Variants in FBXL7 observed in about 807,000 individuals in gnomAD.
The protein encoded by FBXL7 is F-box/LRR-repeat protein 7.
Under a neutral mutation model 38.3 loss-of-function variants are expected in FBXL7, and 12 were observed. That is an observed-to-expected ratio of 0.31 (90% CI 0.20 to 0.51). The LOEUF (loss-of-function observed/expected upper bound fraction) is 0.51. Ranked by LOEUF, FBXL7 falls within the 20% of genes least tolerant of loss-of-function variation. The probability of loss-of-function intolerance (pLI) is 0.98; values close to 1 mark genes in which losing one functional copy is unlikely to be tolerated. For missense variants in FBXL7, 567 were observed against 676.4 expected (o/e 0.84, Z 1.79); for synonymous variants, 297 against 300.9 (o/e 0.99, Z 0.13).
chr5:15,710,123 A>C (rs1316694896), intron 2 of FBXL7, among the ~76,000 whole-genome samples: 5 of 152,162 alleles, frequency 3.3e-5, no homozygotes, highest in Non-Finnish European at 5.9e-5. Flanking sequence ...GATCTAGTTA[A>C]AAGTAAGTCA....
At chr5:15,553,479 A>G (rs1738144789) in intron 1 of FBXL7, among the ~76,000 whole-genome samples, 1 of 152,220 alleles carries the variant, frequency 6.6e-6, no homozygotes, top group Admixed American at 6.5e-5. Context: ...ATTAAGGCTT[A>G]TATCTTCTAC....
intron 3 of FBXL7, among the ~76,000 whole-genome samples, chr5:15,933,436 A>G: frequency 6.6e-6 from 1 of 152,226 alleles, no homozygotes; most frequent in East Asian, 1.9e-4. Flanking sequence ...CTTGAAAAAC[A>G]AAGTGTCTTT....
intron 2 of FBXL7, among the ~76,000 whole-genome samples, chr5:15,680,923 A>T (rs1057174665): frequency 3.3e-5 from 5 of 152,224 alleles, no homozygotes; most frequent in African/African-American, 1.2e-4. Flanking sequence ...CACTACTTCA[A>T]TGCTGACCTC....
chr5:15,513,404 A>G (rs1426927810), intron 1 of FBXL7, among the ~76,000 whole-genome samples: 1 of 152,228 alleles, frequency 6.6e-6, no homozygotes, highest in Admixed American at 6.5e-5. Context: ...TCACCATAAT[A>G]ATCAAGCTAG....
intron 2 of FBXL7, among the ~76,000 whole-genome samples, chr5:15,723,514 C>T (rs1252440972): frequency 6.6e-6 from 1 of 152,140 alleles, no homozygotes; most frequent in Non-Finnish European, 1.5e-5. Context: ...CCTACAGTTG[C>T]TAATTTCAAA....
chr5:15,785,193 A>G (rs1045352460), intron 2 of FBXL7, among the ~76,000 whole-genome samples: 1 of 152,226 alleles, frequency 6.6e-6, no homozygotes, highest in Non-Finnish European at 1.5e-5. Flanking sequence ...GTATACATAC[A>G]TTGCGTGCTC....
At chr5:15,844,338 C>G (rs1005846510) in intron 2 of FBXL7, among the ~76,000 whole-genome samples, 3 of 152,150 alleles carry the variant, frequency 2.0e-5, no homozygotes, top group Admixed American at 6.5e-5. Context: ...TCCAGAGATG[C>G]CCCCCGTGAA....
chr5:15,774,220 A>G (rs1043616129), intron 2 of FBXL7, among the ~76,000 whole-genome samples: 41 of 152,020 alleles, frequency 2.7e-4, no homozygotes, highest in Non-Finnish European at 4.1e-4. Flanking sequence ...TGTCATTCAA[A>G]CTTCTACTAC....
intron 2 of FBXL7, among the ~76,000 whole-genome samples, chr5:15,683,842 A>G (rs1742927408): frequency 6.6e-6 from 1 of 152,130 alleles, no homozygotes; most frequent in Admixed American, 6.5e-5. Context: ...GGGAAGTAGA[A>G]GTTTATCACT....
intron 2 of FBXL7, among the ~76,000 whole-genome samples, chr5:15,856,286 C>T (rs1002364016): frequency 6.6e-6 from 1 of 152,068 alleles, no homozygotes; most frequent in Non-Finnish European, 1.5e-5. Flanking sequence ...AATTATTTCC[C>T]ACCTGGTCCC....
chr5:15,522,061 G>A (rs1032517878), intron 1 of FBXL7, among the ~76,000 whole-genome samples: 1 of 152,228 alleles, frequency 6.6e-6, no homozygotes, highest in African/African-American at 2.4e-5. Context: ...AATTTTATAC[G>A]TGTCTATGTA....
intron 2 of FBXL7, among the ~76,000 whole-genome samples, chr5:15,785,811 G>T (rs993012958): frequency 6.6e-6 from 1 of 152,172 alleles, no homozygotes; most frequent in Non-Finnish European, 1.5e-5. Flanking sequence ...AAGCCCCCTC[G>T]CAGTTCAGTT....
At chr5:15,679,276 A>G (rs1045224043) in intron 2 of FBXL7, among the ~76,000 whole-genome samples, 1 of 152,202 alleles carries the variant, frequency 6.6e-6, no homozygotes, top group African/African-American at 2.4e-5. Flanking sequence ...AGACAAGACC[A>G]AAGAAAAACC....
chr5:15,606,090 CAG>C (rs959285636), intron 1 of FBXL7, among the ~76,000 whole-genome samples: 2 of 152,254 alleles, frequency 1.3e-5, no homozygotes, highest in South Asian at 2.1e-4. Context: ...TCCCATGTAA[CAG>C]GGCATGGTTA....
intron 2 of FBXL7, among the ~76,000 whole-genome samples, chr5:15,751,295 G>T (rs1001494468): frequency 2.6e-5 from 4 of 152,096 alleles, no homozygotes; most frequent in African/African-American, 9.7e-5. Context: ...GATGGTAACT[G>T]GAATTTGGGT....
chr5:15,718,293 A>C (rs1163186561), intron 2 of FBXL7, among the ~76,000 whole-genome samples: 1 of 152,158 alleles, frequency 6.6e-6, no homozygotes, highest in Non-Finnish European at 1.5e-5. Context: ...GACGTTTTTC[A>C]AAATAAAAAG....
intron 2 of FBXL7, among the ~76,000 whole-genome samples, chr5:15,865,469 A>G (rs556336632): frequency 9.8e-5 from 15 of 152,312 alleles, no homozygotes; most frequent in African/African-American, 3.6e-4. Flanking sequence ...AAGCAAAGAT[A>G]CTTCTATAAC....
chr5:15,683,736 C>T (rs755299005), intron 2 of FBXL7, among the ~76,000 whole-genome samples: 1 of 152,132 alleles, frequency 6.6e-6, no homozygotes, highest in Non-Finnish European at 1.5e-5. Flanking sequence ...TGACCCTTCT[C>T]TTTAGTAATC....
At chr5:15,864,776 G>A (rs546059960) in intron 2 of FBXL7, among the ~76,000 whole-genome samples, 93 of 152,234 alleles carry the variant, frequency 6.1e-4, no homozygotes, top group Non-Finnish European at 8.5e-4. Context: ...AAGTCAGCAG[G>A]TTCAGTAGAT....
Sources: allele counts gnomAD v4.1 joint callset (sites outside exome capture counted in the v4.1 genomes callset), GRCh38; gene constraint gnomAD v4.1.1; transcripts MANE v1.5; gene names NCBI Gene and HGNC (gene_info 2026-07-23, HGNC 2026-07-21).